C1orf141: variants seen among roughly 807,000 people sequenced by gnomAD.
C1orf141 encodes the protein chromosome 1 open reading frame 141, also known as uncharacterized protein C1orf141.
C1orf141 carries 19 observed loss-of-function variants against 23.2 expected under a neutral mutation model. That is an observed-to-expected ratio of 0.82 (90% CI 0.57 to 1.20). C1orf141 has a LOEUF of 1.20. C1orf141 is among the 50% of genes most tolerant of loss of function. The pLI, the probability that C1orf141 is intolerant of heterozygous loss-of-function variation, is 0.00. For missense variants in C1orf141, 469 were observed against 455.1 expected (o/e 1.03, Z -0.28); for synonymous variants, 153 against 154.6 (o/e 0.99, Z 0.08).
chr1:67,103,556 C>A (rs957708026), intron 5 of C1orf141, among the ~76,000 whole-genome samples: 5 of 152,058 alleles, frequency 3.3e-5, no homozygotes, highest in Non-Finnish European at 7.4e-5. Context: ...AAAAAACCTA[C>A]TATGAGATGG....
chr1:67,114,485 A>G (rs546602695), intron 5 of C1orf141, among the ~76,000 whole-genome samples: 1 of 152,330 alleles, frequency 6.6e-6, no homozygotes, highest in South Asian at 2.1e-4. Flanking sequence ...AAATCAAGTT[A>G]TGAAGCATAA....
chr1:67,132,532 A>C (rs1646533790), intron 1 of C1orf141, among the ~76,000 whole-genome samples: 1 of 152,114 alleles, frequency 6.6e-6, no homozygotes, highest in African/African-American at 2.4e-5. Flanking sequence ...AAAAAAAAAA[A>C]AGAGGTTTAC....
intron 4 of C1orf141, 113 bp downstream of exon 4, chr1:67,125,639 C>T: frequency 9.9e-7 from 1 of 1,009,900 alleles, no homozygotes; most frequent in Non-Finnish European, 1.6e-6. Context: ...GTTGAGGCTG[C>T]AGTGAGCCAT....
chr1:67,135,856 G>T (rs1457190503), upstream of C1orf141, among the ~76,000 whole-genome samples: 3 of 107,296 alleles, frequency 2.8e-5, no homozygotes, highest in African/African-American at 3.6e-5. Flanking sequence ...AGGAAAAAAA[G>T]CACCAGAATT....
At position 67,093,129 on chromosome 1, in the gene C1orf141, G is replaced by T; in HGVS notation, c.1079C>A (p.Pro360His). The change falls in exon 8 of 8, where the codon CCC (proline) becomes CAC (histidine). Residue 360 changes from proline to histidine, a missense_variant. Pro to His is a moderately conservative substitution (Grantham distance 77, BLOSUM62 -2). This residue lies in a region of C1orf141 where 370 missense variants were observed against 348.1 expected (regional missense o/e 1.06). Transcript: ENST00000684719. Reference protein sequence around the residue: ...MFSAGKPTSIPTSSALPVKCY... With the variant: ...MFSAGKPTSIHTSSALPVKCY... The stretch of plus-strand genomic sequence containing the variant: ...TTTGACAGGTAAGGCACTGGATGTG[G>T]GTATGCTCGTTGGTTTTCCTGCAGA... The T allele has an allele frequency of 6.2e-7, 1 of 1,613,846 alleles. No homozygotes were observed. The highest frequency in any genetic ancestry group is 8.5e-7 in the Non-Finnish European group (1 of 1,179,870).
intron 4 of C1orf141, among the ~76,000 whole-genome samples, chr1:67,116,542 C>T (rs1378335411): frequency 6.6e-6 from 1 of 152,022 alleles, no homozygotes; most frequent in Non-Finnish European, 1.5e-5. Context: ...ATGTGACTAT[C>T]ATTTCCTTCA....
At chr1:67,112,771 A>C (rs1646102663) in intron 5 of C1orf141, among the ~76,000 whole-genome samples, 1 of 152,194 alleles carries the variant, frequency 6.6e-6, no homozygotes, top group African/African-American at 2.4e-5. Context: ...ACAGAAATAA[A>C]CACACTTTGG....
chr1:67,127,646 T>C (rs543522296), intron 2 of C1orf141, among the ~76,000 whole-genome samples: 9 of 152,106 alleles, frequency 5.9e-5, no homozygotes, highest in Non-Finnish European at 1.2e-4. Context: ...TTGTCGTTGT[T>C]GTTGTTGAGA....
In C1orf141 at chr1:67,125,706, A is replaced by G. The variant is rs190564382; in HGVS notation, c.233+46T>C. On this transcript the variant is annotated intron_variant, in intron 4 of 7. Transcript: ENST00000684719. ...GAGTGAGTCCTTGTTTCACAAACAA[A>G]CAAACAAATTCTGAACTGAAAATTT... 89 of 1,577,830 alleles carry G rather than the reference A, an allele frequency of 5.6e-5. No homozygotes were observed. In the East Asian group the frequency reaches 1.1e-3, roughly 20 times the overall value.
chr1:67,140,630 A>T (rs2102521757), intron 1 of C1orf141, among the ~76,000 whole-genome samples: 1 of 152,282 alleles, frequency 6.6e-6, no homozygotes, highest in Non-Finnish European at 1.5e-5. Context: ...TAAAAACCTT[A>T]AAAAATGTAT....
At chr1:67,125,034 AG>A (rs1646378225) in intron 4 of C1orf141, among the ~76,000 whole-genome samples, 1 of 152,244 alleles carries the variant, frequency 6.6e-6, no homozygotes, top group Admixed American at 6.5e-5. Flanking sequence ...GCATTATGCA[AG>A]TACTAAATGC....
chr1:67,120,641 C>T (rs1401381876), intron 4 of C1orf141, among the ~76,000 whole-genome samples: 2 of 152,102 alleles, frequency 1.3e-5, no homozygotes, highest in Non-Finnish European at 2.9e-5. Flanking sequence ...CTGTCTCTTT[C>T]TCTCTGCCAT....
intron 2 of C1orf141, among the ~76,000 whole-genome samples, chr1:67,128,995 A>T (rs1020867782): frequency 6.6e-6 from 1 of 152,132 alleles, no homozygotes; most frequent in African/African-American, 2.4e-5. Context: ...TTATTTTGTA[A>T]TTGGTTTCCT....
intron 3 of C1orf141, among the ~76,000 whole-genome samples, chr1:67,126,806 C>G (rs1558205311): frequency 6.6e-6 from 1 of 152,180 alleles, no homozygotes; most frequent in Non-Finnish European, 1.5e-5. Flanking sequence ...AGAGAAAGAT[C>G]GCACCAGCAA....
chr1:67,127,643 T>C (rs1646441565), intron 2 of C1orf141, among the ~76,000 whole-genome samples: 2 of 152,038 alleles, frequency 1.3e-5, no homozygotes, highest in Non-Finnish European at 2.9e-5. Flanking sequence ...ATTTTGTCGT[T>C]GTTGTTGTTG....
At position 67,127,203 on chromosome 1, in the gene C1orf141, T is replaced by C. The variant is rs747675893; in HGVS notation, c.38A>G (p.Asp13Gly). 4 of 1,610,064 alleles carry C rather than the reference T, an allele frequency of 2.5e-6. No individual in the cohort carries two copies. The highest frequency in any genetic ancestry group is 3.4e-6 in the Non-Finnish European group (4 of 1,178,576). ...EKILEKLDVL[D>G]KQAEIILARR... The stretch of plus-strand genomic sequence containing the variant: ...GGCCAAGATTATCTCTGCTTGCTTA[T>C]CAAGGACATCCAACTTCTCTAGGAT... The change falls in exon 3 of 8, where the codon GAT (aspartate) becomes GGT (glycine). Residue 13 changes from aspartate (D) to glycine (G), a missense_variant. This residue lies in a region of C1orf141 where 95 missense variants were observed against 90.3 expected (regional missense o/e 1.05). Coordinates refer to ENST00000684719, the MANE Select transcript of C1orf141 (RefSeq NM_001276351.2).
Position 67,092,402 on chromosome 1 carries a change from T to C in C1orf141, c.*603A>G, listed in dbSNP as rs1645575552. On this transcript the variant is annotated 3_prime_UTR_variant, in exon 8 of 8. Coordinates refer to ENST00000684719, the MANE Select transcript of C1orf141 (RefSeq NM_001276351.2). The stretch of plus-strand genomic sequence containing the variant: ...CTACCAAAATTATTTAGATTAAGGA[T>C]AGTTATTCTTTTATTTAACAATTTA... 6.6e-6 allele frequency: 1 copy of C among 152,234 alleles called. No individual in the cohort carries two copies. Among genetic ancestry groups the C allele is most frequent in the South Asian group, 2.1e-4 (1 of 4,834 alleles). 9.4% of individuals were successfully genotyped at this position (152,234 alleles called of 1,614,324 possible).
At chr1:67,094,662 AT>A (rs1333971980) in intron 7 of C1orf141, 1 of 152,280 alleles carries the variant, frequency 6.6e-6, no homozygotes, top group Admixed American at 6.5e-5. Flanking sequence ...CTGGGGCTAT[AT>A]AATTAGGTGA....
At position 67,105,198 on chromosome 1, in the gene C1orf141, C is replaced by T. The variant is rs542645075; in HGVS notation, c.347-8877G>A. Among the ~76,000 whole-genome samples the T allele has an allele frequency of 2.6e-5, 4 of 151,596 alleles. No homozygotes were observed. The South Asian group carries it at 8.4e-4, about 32-fold the overall frequency. On this transcript the variant is annotated intron_variant, in intron 5 of 7. Coordinates refer to ENST00000684719, the MANE Select transcript of C1orf141 (RefSeq NM_001276351.2). ...AAAATAAGCCGGGTGTGGTGGTGTACGCCTATAGTCCCAACTACTCGGGAA... is the reference window on the plus strand; with the variant it reads ...AAAATAAGCCGGGTGTGGTGGTGTATGCCTATAGTCCCAACTACTCGGGAA...
Sources: gnomAD v4.1 joint callset for allele counts (sites outside exome capture counted in the v4.1 genomes callset) on GRCh38, gnomAD v4.1.1 for gene constraint, gnomAD v4.1.1 regional missense constraint, MANE v1.5 for transcripts, NCBI Gene and HGNC (gene_info 2026-07-23, HGNC 2026-07-21) for gene names.